Variants in SLC25A33 observed in about 807,000 individuals in gnomAD.
SLC25A33 encodes the protein solute carrier family 25 member 33, also known as bone marrow stromal cell mitochondrial carrier protein.
A neutral mutation model predicts 35.5 loss-of-function variants in SLC25A33; 15 were observed. The observed-to-expected ratio is 0.42, with a 90% confidence interval of 0.28 to 0.65. SLC25A33 has a LOEUF of 0.65. SLC25A33 is among the 30% of genes least tolerant of loss of function. SLC25A33 has a pLI of 0.20. For synonymous variants in SLC25A33, 136 were observed against 148.7 expected (o/e 0.91, Z 0.62); for missense variants, 257 against 398.5 (o/e 0.64, Z 3.02).
At chr1:9,571,467 G>A (rs1475465326) in intron 4 of SLC25A33, among the ~76,000 whole-genome samples, 2 of 151,422 alleles carry the variant, frequency 1.3e-5, no homozygotes, top group Admixed American at 6.6e-5. Flanking sequence ...CCAATTTTTT[G>A]TATTTTTAGT....
At chr1:9,577,903 C>T (rs57272167) in intron 5 of SLC25A33, among the ~76,000 whole-genome samples, 40,327 of 151,888 alleles carry the variant, frequency 0.27, 6,796 homozygotes, top group African/African-American at 0.48. Context: ...ATGTGAATAG[C>T]GCCAAGGGTG....
At position 9,582,327 on chromosome 1, in the gene SLC25A33, G is replaced by A. The variant is rs772260426; in HGVS notation, c.792G>A (p.Glu264=). The change falls in exon 7 of 7, where the codon GAG becomes GAA. Residue 264 remains glutamate (E), a synonymous_variant. Transcript: ENST00000302692. This position sits in a 1 kb window ranked among gnomAD's most constrained non-coding sequence, Gnocchi z 4.0. ...TCATAAGGACGAGGCTCCGGGAAGA[G>A]GGCACCAAGTACAAGTCTTTTGTCC... is the stretch of plus-strand genomic sequence containing the variant. ...HEVIRTRLRE[E]GTKYKSFVQT... is the part of the protein sequence containing the mutation. 6.8e-5 allele frequency: 109 copies of A among 1,613,882 alleles called. No homozygotes were observed. The Admixed American group carries it at 1.7e-3, about 25-fold the overall frequency.
rs1000087092 is a variant in SLC25A33, at chr1:9,582,165, C to T, written c.764-134C>T. 1.2e-5 allele frequency: 10 copies of T among 861,344 alleles called. No homozygotes were observed. In the African/African-American group the frequency reaches 1.3e-4, roughly 12 times the overall value. The allele number at this position is 861,344 out of a possible 1,614,324, so 53.4% of individuals were successfully genotyped here. A position where few individuals can be genotyped will look rare whatever the true frequency, so the allele number is the denominator to read the frequency against. On this transcript the variant is annotated intron_variant, in intron 6 of 6. Coordinates refer to ENST00000302692, the MANE Select transcript of SLC25A33 (RefSeq NM_032315.3). This position sits in a 1 kb window ranked among gnomAD's most constrained non-coding sequence, Gnocchi z 4.0. ...CTGGCCTCAAGTGATCCACCCGCCT[C>T]GGCCTCCCAAAGTTCTGGGATTACA...
intron 1 of SLC25A33, among the ~76,000 whole-genome samples, chr1:9,550,231 TA>T (rs537669811): frequency 3.9e-3 from 515 of 133,538 alleles, no homozygotes; most frequent in African/African-American, 6.5e-3. Context: ...CTTCTCTCTT[TA>T]AAAAAAAAAA....
At chr1:9,573,047 A>G (rs193276555) in intron 4 of SLC25A33, among the ~76,000 whole-genome samples, 11 of 152,290 alleles carry the variant, frequency 7.2e-5, no homozygotes, top group Non-Finnish European at 1.6e-4. Context: ...GACAGTTACA[A>G]TTTTCAGTAG....
chr1:9,567,240 C>T lies in SLC25A33; in HGVS notation c.237-44C>T. On this transcript the variant is annotated intron_variant, in intron 2 of 6. Transcript: ENST00000302692. ...TGACTCTTTATCATTTTTAATAGGC[C>T]TTGCCTGAGGGGTTTTAAAGGTTTG... The T allele has an allele frequency of 1.9e-6, 3 of 1,538,778 alleles. No individual in the cohort carries two copies. The South Asian group carries it at 3.4e-5, about 17-fold the overall frequency.
intron 2 of SLC25A33, among the ~76,000 whole-genome samples, chr1:9,564,734 A>AT (rs1462974707): frequency 2.3e-4 from 18 of 79,942 alleles, no homozygotes; most frequent in African/African-American, 4.7e-4. Context: ...TTAAAAAAAA[A>AT]AAAAAATATA....
At chr1:9,575,212 C>CA (rs909942057) in intron 5 of SLC25A33, among the ~76,000 whole-genome samples, 4,541 of 57,952 alleles carry the variant, frequency 0.078, 182 homozygotes, top group African/African-American at 0.12. Context: ...GACTCTGGCT[C>CA]AAAAAAAAAA....
intron 4 of SLC25A33, among the ~76,000 whole-genome samples, chr1:9,572,723 T>G (rs1643608568): frequency 6.6e-6 from 1 of 152,162 alleles, no homozygotes; most frequent in African/African-American, 2.4e-5. Context: ...GTCAGACTGA[T>G]ACCATGGTGT....
At chr1:9,545,812 AT>A (rs1643158054) in intron 1 of SLC25A33, among the ~76,000 whole-genome samples, 1 of 151,720 alleles carries the variant, frequency 6.6e-6, no homozygotes, top group Admixed American at 6.6e-5. Flanking sequence ...TACAAAAAAA[AT>A]TTAGCTGGGC....
intron 2 of SLC25A33, among the ~76,000 whole-genome samples, chr1:9,563,075 C>T (rs186738885): frequency 1.7e-3 from 253 of 151,840 alleles, no homozygotes; most frequent in African/African-American, 5.7e-3. Flanking sequence ...CCCACTACCA[C>T]GCCTGGCTAG....
chr1:9,574,618 TC>T (rs901222796), intron 5 of SLC25A33, among the ~76,000 whole-genome samples: 1 of 152,228 alleles, frequency 6.6e-6, no homozygotes, highest in African/African-American at 2.4e-5. Context: ...GTATTTACAT[TC>T]GTAATGAATA....
Position 9,573,232 on chromosome 1 carries a change from C to CT in SLC25A33, c.416-109dup, listed in dbSNP as rs552394274. ...TAGAAATATAACTGCTTCCTACTGT[C>CT]TTTTTATTAGGCCATTGAAATCCCT... On this transcript the variant is annotated intron_variant, in intron 4 of 6. Transcript: ENST00000302692. 2.7e-3 allele frequency: 1,874 copies of CT among 689,990 alleles called. 24 individuals are homozygous for CT. The African/African-American group carries it at 0.03, about 11-fold the overall frequency. The allele number at this position is 689,990 out of a possible 1,614,324, so 42.7% of individuals were successfully genotyped here.
chr1:9,540,391 T>C (rs1643061097), intron 1 of SLC25A33, among the ~76,000 whole-genome samples: 1 of 152,088 alleles, frequency 6.6e-6, no homozygotes, highest in African/African-American at 2.4e-5. Context: ...GACCGCAGAA[T>C]TGTAAGGTGT....
intron 2 of SLC25A33, among the ~76,000 whole-genome samples, chr1:9,561,078 T>G (rs1021225450): frequency 1.6e-4 from 25 of 151,836 alleles, no homozygotes; most frequent in Admixed American, 1.4e-3. Flanking sequence ...GCCTCCTGAG[T>G]AGCTGGGACC....
chr1:9,556,617 T>G (rs1313558624), intron 2 of SLC25A33, among the ~76,000 whole-genome samples: 2 of 152,176 alleles, frequency 1.3e-5, no homozygotes, highest in African/African-American at 4.8e-5. Flanking sequence ...TTTTGGATTC[T>G]TATGGCTTTC....
At position 9,539,811 on chromosome 1, in the gene SLC25A33, G is replaced by C. The variant is rs189445608; in HGVS notation, c.56+64G>C. The C allele has an allele frequency of 1.4e-3, 1,786 of 1,263,106 alleles. 16 individuals are homozygous for C. In the African/African-American group the frequency reaches 0.015, roughly 11 times the overall value. 78.2% of individuals were successfully genotyped at this position (1,263,106 alleles called of 1,614,324 possible). A position where few individuals can be genotyped will look rare whatever the true frequency, so the allele number is the denominator to read the frequency against. ...GCGGTCCCCTCGGCCTTCGCCCCGG[G>C]CGCGGCCCCAGCCTCCCGCGGCGGT... On this transcript the variant is annotated intron_variant, in intron 1 of 6. Transcript: ENST00000302692.
intron 4 of SLC25A33, among the ~76,000 whole-genome samples, chr1:9,571,737 A>G (rs1471839975): frequency 6.6e-6 from 1 of 151,782 alleles, no homozygotes; most frequent in African/African-American, 2.4e-5. Flanking sequence ...TCCTGGGCTC[A>G]AGCCATCCCT....
At chr1:9,579,065 A>G (rs1231764087) in intron 5 of SLC25A33, among the ~76,000 whole-genome samples, 1 of 152,224 alleles carries the variant, frequency 6.6e-6, no homozygotes, top group Non-Finnish European at 1.5e-5. Flanking sequence ...GTCTGGCCTC[A>G]CAGTGGGCTG....
Sources: gnomAD v4.1 joint callset for allele counts (sites outside exome capture counted in the v4.1 genomes callset) on GRCh38, gnomAD v4.1.1 for gene constraint, Gnocchi (gnomAD v3.1) non-coding constraint, MANE v1.5 for transcripts, NCBI Gene and HGNC (gene_info 2026-07-23, HGNC 2026-07-21) for gene names.